The following HMCN1 variants were observed in gnomAD, a reference collection of about 807,000 sequenced individuals.
HMCN1 encodes hemicentin 1, also known as hemicentin-1.
HMCN1 carries 321 observed loss-of-function variants against 625.9 expected under a neutral mutation model. The ratio of observed to expected loss-of-function variants is 0.51; its 90% confidence interval spans 0.47 to 0.56. HMCN1 has a LOEUF of 0.56. Among genes scored for constraint, HMCN1 ranks in the 20% least tolerant of loss-of-function variants. The probability of loss-of-function intolerance (pLI) is 0.00; values close to 1 mark genes in which losing one functional copy is unlikely to be tolerated. For synonymous variants in HMCN1, 2,425 were observed against 2,417.6 expected (o/e 1.00, Z -0.09); for missense variants, 6,588 against 6,887.3 (o/e 0.96, Z 1.54).
chr1:186,167,415 C>T (rs577711883), intron 100 of HMCN1, among the ~76,000 whole-genome samples: 1 of 152,314 alleles, frequency 6.6e-6, no homozygotes, highest in South Asian at 2.1e-4. Context: ...CCTCCACACA[C>T]ACAGCCTTCC....
chr1:186,076,651 G>C, intron 54 of HMCN1, 29 bp downstream of exon 54: 1 of 1,597,780 alleles, frequency 6.3e-7, no homozygotes, highest in East Asian at 2.2e-5. Flanking sequence ...AGGGTGAAAA[G>C]CTGACTCTCT....
At chr1:186,048,489 A>T (rs1261920795) in intron 41 of HMCN1, among the ~76,000 whole-genome samples, 1 of 152,110 alleles carries the variant, frequency 6.6e-6, no homozygotes, top group African/African-American at 2.4e-5. Flanking sequence ...AATTGTATTT[A>T]AAAGACTGTT....
Position 186,003,746 on chromosome 1 carries a change from C to G in HMCN1, c.4377C>G (p.Phe1459Leu). 2 of 1,613,250 alleles carry G rather than the reference C, an allele frequency of 1.2e-6. No homozygotes were observed. Among genetic ancestry groups the G allele is most frequent in the Non-Finnish European group, 1.7e-6 (2 of 1,179,358 alleles). The change falls in exon 29 of 107, where the codon TTC (phenylalanine) becomes TTG (leucine). Residue 1459 changes from phenylalanine to leucine, a missense_variant. By Grantham distance (22) the Phe-to-Leu change is conservative. Coordinates refer to ENST00000271588, the MANE Select transcript of HMCN1 (RefSeq NM_031935.3). ...LVPPTIIGTN[F>L]PNEVSVVLNR... The stretch of plus-strand genomic sequence containing the variant: ...CACCCACCATAATAGGTACCAACTT[C>G]CCAAATGAAGTCTCAGTTGTCCTCA...
intron 11 of HMCN1, among the ~76,000 whole-genome samples, chr1:185,948,865 C>T (rs1400533666): frequency 4.0e-5 from 6 of 151,496 alleles, no homozygotes; most frequent in South Asian, 4.2e-4. Context: ...GGATTAGGGG[C>T]GGCGTGGGAA....
chr1:185,749,246 C>A (rs550466712), intron 1 of HMCN1, among the ~76,000 whole-genome samples: 6 of 152,258 alleles, frequency 3.9e-5, no homozygotes, highest in Admixed American at 3.3e-4. Context: ...TTGTCATTCA[C>A]AAAATGTTAG....
chr1:185,778,695 A>G (rs188275039), intron 1 of HMCN1, among the ~76,000 whole-genome samples: 167 of 152,172 alleles, frequency 1.1e-3, no homozygotes, highest in African/African-American at 3.8e-3. Context: ...TTATGGCTGC[A>G]TAGTATTCCA....
chr1:186,057,180 G>A lies in HMCN1; in HGVS notation c.7145-54G>A, dbSNP rs539024262. The A allele has an allele frequency of 4.2e-5, 59 of 1,392,824 alleles. No individual in the cohort carries two copies. In the African/African-American group the frequency reaches 8.0e-4, roughly 19 times the overall value. The allele number at this position is 1,392,824 out of a possible 1,614,324, so 86.3% of individuals were successfully genotyped here. Reference sequence around the variant, plus strand: ...ATATACAACATCAGGTATATCAAATGTATATCAGGCAACTAATATTTCCAT... The same window carrying A: ...ATATACAACATCAGGTATATCAAATATATATCAGGCAACTAATATTTCCAT... On this transcript the variant is annotated intron_variant, in intron 45 of 106. Coordinates refer to ENST00000271588, the MANE Select transcript of HMCN1 (RefSeq NM_031935.3).
chr1:186,141,860 C>T (rs2102547681), intron 89 of HMCN1, among the ~76,000 whole-genome samples: 1 of 152,282 alleles, frequency 6.6e-6, no homozygotes, highest in Admixed American at 6.5e-5. Context: ...TTATTCAAGC[C>T]CAGAGTGTCT....
At chr1:186,171,873 C>T in intron 101 of HMCN1, 133 bp from the exon 102 acceptor site, 1 of 756,258 alleles carries the variant, frequency 1.3e-6, no homozygotes. Flanking sequence ...AATTTAAGCA[C>T]TTTAACCTTA....
chr1:185,936,851 C>G (rs1222909663), intron 11 of HMCN1, among the ~76,000 whole-genome samples: 2 of 152,230 alleles, frequency 1.3e-5, no homozygotes, highest in East Asian at 3.9e-4. Flanking sequence ...ACATCAGACT[C>G]TCACTCAGCT....
intron 15 of HMCN1, among the ~76,000 whole-genome samples, chr1:185,977,043 A>G (rs528215972): frequency 1.4e-4 from 21 of 152,030 alleles, no homozygotes; most frequent in African/African-American, 4.8e-4. Flanking sequence ...CCTCTGATGT[A>G]TTTCTATGTC....
At chr1:186,090,400 A>G (rs564693152) in intron 63 of HMCN1, among the ~76,000 whole-genome samples, 3 of 152,112 alleles carry the variant, frequency 2.0e-5, no homozygotes, top group African/African-American at 7.2e-5. Context: ...GAGCAAAAGA[A>G]AAACACAAAA....
intron 4 of HMCN1, among the ~76,000 whole-genome samples, chr1:185,884,754 G>A (rs866934368): frequency 6.6e-6 from 1 of 152,056 alleles, no homozygotes; most frequent in Middle Eastern, 3.4e-3. Context: ...ATTTTATAGA[G>A]GACCCATGGG....
chr1:185,785,643 T>A (rs1339020762), intron 1 of HMCN1, among the ~76,000 whole-genome samples: 3 of 152,226 alleles, frequency 2.0e-5, no homozygotes, highest in Admixed American at 2.0e-4. Context: ...GAAATCAAAT[T>A]TGGCTTCGTT....
chr1:185,967,418 C>A (rs976942138), intron 14 of HMCN1, among the ~76,000 whole-genome samples: 2 of 152,036 alleles, frequency 1.3e-5, no homozygotes, highest in Non-Finnish European at 2.9e-5. Context: ...TAGATATTAC[C>A]GCTCAGTGGG....
Position 185,962,646 on chromosome 1 carries a change from G to A in HMCN1, c.1957G>A (p.Val653Met), listed in dbSNP as rs754249769. 21 of 1,579,704 alleles carry A rather than the reference G, an allele frequency of 1.3e-5. No homozygotes were observed. The highest frequency in any genetic ancestry group is 4.5e-5 in the East Asian group (2 of 44,740). ...IAWTVNDMFI[V>M]GSHRYRMTSD... is the part of the protein sequence containing the mutation. ...CTGGACCGTTAACGATATGTTTATC[G>A]TGGGTTCACACAGGTACTGGGTTTG... is the stretch of plus-strand genomic sequence containing the variant. The change falls in exon 12 of 107, where the codon GTG (valine) becomes ATG (methionine). Residue 653 changes from valine to methionine, a missense_variant. This residue lies in a region of HMCN1 where 4,628 missense variants were observed against 4,853.1 expected (regional missense o/e 0.95). Transcript: ENST00000271588.
intron 52 of HMCN1, 126 bp from the exon 53 acceptor site, chr1:186,074,615 T>C: frequency 2.5e-6 from 2 of 791,918 alleles, no homozygotes; most frequent in Admixed American, 2.2e-5. Context: ...TAAACTATTG[T>C]CATGAATGTT....
Position 185,870,501 on chromosome 1 carries a change from G to C in HMCN1, c.621+4638G>C, listed in dbSNP as rs118160751. On this transcript the variant is annotated intron_variant, in intron 4 of 106. Coordinates refer to ENST00000271588, the MANE Select transcript of HMCN1 (RefSeq NM_031935.3). ...TCCCTCGAAAAAAACTTACCAGCCT[G>C]TTGTATTGGTCCGATTCTAATAGAT... 1.0e-3 allele frequency among the ~76,000 whole-genome samples: 157 copies of C among 152,106 alleles called. 3 individuals carry two copies. In the East Asian group the frequency reaches 0.029, roughly 28 times the overall value.
chr1:185,797,652 T>G (rs1009976385), intron 1 of HMCN1, among the ~76,000 whole-genome samples: 1 of 152,190 alleles, frequency 6.6e-6, no homozygotes, highest in Non-Finnish European at 1.5e-5. Context: ...TTTTATAGTC[T>G]CATTTATGCA....
Sources: allele counts gnomAD v4.1 joint callset (sites outside exome capture counted in the v4.1 genomes callset), GRCh38; gene constraint gnomAD v4.1.1; regional missense constraint gnomAD v4.1.1; transcripts MANE v1.5; gene names NCBI Gene and HGNC (gene_info 2026-07-23, HGNC 2026-07-21).